BCL7C: variants seen among roughly 807,000 people sequenced by gnomAD.
The protein encoded by BCL7C is B-cell CLL/lymphoma 7 protein family member C.
A neutral mutation model predicts 26.2 loss-of-function variants in BCL7C; 8 were observed. The observed-to-expected ratio is 0.30, with a 90% CI of 0.18 to 0.55. The LOEUF (loss-of-function observed/expected upper bound fraction) is 0.55. Ranked by LOEUF, BCL7C falls within the 20% of genes least tolerant of loss-of-function variation. The probability of loss-of-function intolerance (pLI) is 0.93; values close to 1 mark genes in which losing one functional copy is unlikely to be tolerated. For missense variants in BCL7C, 262 were observed against 298.5 expected (o/e 0.88, Z 0.90); for synonymous variants, 90 against 116.5 (o/e 0.77, Z 1.47).
At position 30,893,977 on chromosome 16, in the gene BCL7C, G is replaced by A. The variant is rs573944099; in HGVS notation, c.-33C>T. On this transcript the variant is annotated 5_prime_UTR_variant, in exon 1 of 6. Transcript: ENST00000215115. The surrounding 1 kb of genome is among the most constrained non-coding windows in gnomAD (Gnocchi z 5.2). ...GGGCTGGGGCCGGGGCCGAGCCCGCGGCGGGGCCGCCTCCCGTCCGGCGGG... is the reference window on the plus strand; with the variant it reads ...GGGCTGGGGCCGGGGCCGAGCCCGCAGCGGGGCCGCCTCCCGTCCGGCGGG... 70 of 1,194,978 alleles carry A rather than the reference G, an allele frequency of 5.9e-5. No homozygotes were observed. The African/African-American group carries it at 9.9e-4, about 17-fold the overall frequency. 74.0% of individuals were successfully genotyped at this position (1,194,978 alleles called of 1,614,324 possible).
At chr16:30,887,658 C>T (rs1448569151), downstream of BCL7C, 10 of 767,464 alleles carry the variant, frequency 1.3e-5, no homozygotes, top group South Asian at 2.4e-5. Context: ...CAAGCCCCCA[C>T]CCCACTCTGC....
Position 30,834,931 on chromosome 16 carries a change from T to A in BCL7C, c.*17A>T. On this transcript the variant is annotated 3_prime_UTR_variant, in exon 6 of 6. Coordinates refer to the BCL7C transcript ENST00000380317. The surrounding 1 kb of genome is among the most constrained non-coding windows in gnomAD (Gnocchi z 4.3). ...CAAGGGAGGCTTTAGGGGTCTTGGC[T>A]TGCTTGGGGAGCCCACTCACCTCCC... 1 of 1,508,716 alleles carries A rather than the reference T, an allele frequency of 6.6e-7. No homozygotes were observed. Among genetic ancestry groups the A allele is most frequent in the Non-Finnish European group, 8.9e-7 (1 of 1,124,400 alleles). The allele number at this position is 1,508,716 out of a possible 1,614,324, so 93.5% of individuals were successfully genotyped here. A position where few individuals can be genotyped will look rare whatever the true frequency, so the allele number is the denominator to read the frequency against.
chr16:30,865,727 C>CTT (rs11333293), intron 5 of BCL7C, among the ~76,000 whole-genome samples: 3 of 66,720 alleles, frequency 4.5e-5, no homozygotes, highest in Non-Finnish European at 9.0e-5. Context: ...CTTTTTTTTT[C>CTT]TTTTTTTTTT....
chr16:30,891,479 GA>G (rs1197504379), intron 4 of BCL7C, among the ~76,000 whole-genome samples: 2 of 152,038 alleles, frequency 1.3e-5, no homozygotes, highest in African/African-American at 4.8e-5. Flanking sequence ...AAAGAGAAAA[GA>G]AAAAAACCCA....
In BCL7C at chr16:30,834,814, G is replaced by A. The variant is rs1318112265; in HGVS notation, c.*134C>T. On this transcript the variant is annotated 3_prime_UTR_variant, in exon 6 of 6. Coordinates refer to the BCL7C transcript ENST00000380317. The surrounding 1 kb of genome is among the most constrained non-coding windows in gnomAD (Gnocchi z 4.3). ...GTGGCCTTAGGTTCGGGCAGGTGTGGGGCCGCTCGCCCTCCGATGTTACCG... is the reference window on the plus strand; with the variant it reads ...GTGGCCTTAGGTTCGGGCAGGTGTGAGGCCGCTCGCCCTCCGATGTTACCG... The A allele has an allele frequency of 7.7e-6, 7 of 905,162 alleles. No homozygotes were observed. The highest frequency in any genetic ancestry group is 9.7e-6 in the Non-Finnish European group (6 of 618,160). The allele number at this position is 905,162 out of a possible 1,614,324, so 56.1% of individuals were successfully genotyped here.
chr16:30,853,057 T>C (rs1375813416), intron 5 of BCL7C, among the ~76,000 whole-genome samples: 1 of 151,880 alleles, frequency 6.6e-6, no homozygotes, highest in Non-Finnish European at 1.5e-5. Flanking sequence ...TGTCTCTGCC[T>C]CCCGAGTAGC....
intron 5 of BCL7C, among the ~76,000 whole-genome samples, chr16:30,863,693 C>T (rs1331455576): frequency 2.4e-4 from 37 of 152,226 alleles, no homozygotes. Flanking sequence ...ACCTATCAAT[C>T]TCTTCCCACA....
At chr16:30,860,051 C>A (rs1487476727) in intron 5 of BCL7C, among the ~76,000 whole-genome samples, 1 of 150,204 alleles carries the variant, frequency 6.7e-6, no homozygotes, top group African/African-American at 2.5e-5. Context: ...CTTCTCCAGC[C>A]TCTCTTGCTA....
rs1402841557 is a variant in BCL7C at position 30,892,610 on chromosome 16, G to T, written c.418C>A (p.Pro140Thr). ...PPEGVPEEAQ[P>T]PRLGQERDPG... ...CCTCTCTCTTGGCCCAGCCGTGGGG[G>T]CTGAGCCTCCTCAGGGACCCCTTCT... is the stretch of plus-strand genomic sequence containing the variant. Residue 140 changes from proline to threonine, a missense_variant, in exon 4 of 6, where the codon CCC (proline) becomes ACC (threonine). By Grantham distance (38) the Pro-to-Thr change is conservative (BLOSUM62 -1). Transcript: ENST00000215115. 2.5e-6 allele frequency: 4 copies of T among 1,592,922 alleles called. No individual in the cohort carries two copies. Among genetic ancestry groups the T allele is most frequent in the Non-Finnish European group, 3.4e-6 (4 of 1,171,828 alleles).
At chr16:30,835,459 G>C (rs541023522) in intron 5 of BCL7C, among the ~76,000 whole-genome samples, 3 of 152,276 alleles carry the variant, frequency 2.0e-5, no homozygotes, top group Admixed American at 2.0e-4. Context: ...TAACCTAAAG[G>C]CAGCCTCAAA....
chr16:30,891,123 C>G (rs560362777), intron 4 of BCL7C, among the ~76,000 whole-genome samples: 1 of 145,458 alleles, frequency 6.9e-6, no homozygotes, highest in Non-Finnish European at 1.5e-5. Context: ...GAGCCAAGAT[C>G]GTACCACTGC....
chr16:30,835,493 C>G (rs2151357738), intron 5 of BCL7C, among the ~76,000 whole-genome samples: 1 of 152,282 alleles, frequency 6.6e-6, no homozygotes, highest in Non-Finnish European at 1.5e-5. Context: ...GTGGTTGGTG[C>G]ATCCACAGGC....
Position 30,893,241 on chromosome 16 carries a change from A to T in BCL7C, c.142T>A (p.Trp48Arg). Reference sequence around the variant, plus strand: ...TCCTGGGGATCCACCACTGGCACCCACTTGAAGATACGAAGGGAAGTGTCG... The same window carrying T: ...TCCTGGGGATCCACCACTGGCACCCTCTTGAAGATACGAAGGGAAGTGTCG... ...VGDTSLRIFK[W>R]VPVVDPQEEE... The change falls in exon 2 of 6, where the codon TGG (tryptophan) becomes AGG (arginine). Residue 48 changes from tryptophan (W) to arginine (R), a missense_variant. Physicochemically the swap from Trp to Arg is moderately radical, Grantham distance 101. Coordinates refer to ENST00000215115, the MANE Select transcript of BCL7C (RefSeq NM_004765.4). The surrounding 1 kb of genome is among the most constrained non-coding windows in gnomAD (Gnocchi z 5.2). 6.2e-7 allele frequency: 1 copy of T among 1,613,658 alleles called. No homozygotes were observed. The highest frequency in any genetic ancestry group is 2.2e-5 in the East Asian group (1 of 44,842).
chr16:30,891,496 G>A (rs537669277), intron 4 of BCL7C, among the ~76,000 whole-genome samples: 26 of 152,142 alleles, frequency 1.7e-4, no homozygotes, highest in Non-Finnish European at 2.9e-4. Flanking sequence ...ACCCAACCAC[G>A]TAAAGTGTTT....
At chr16:30,866,210 G>A (rs2054826366) in intron 5 of BCL7C, among the ~76,000 whole-genome samples, 1 of 151,966 alleles carries the variant, frequency 6.6e-6, no homozygotes, top group Non-Finnish European at 1.5e-5. Context: ...TGATGGAGGA[G>A]GATTATTTAC....
intron 5 of BCL7C, among the ~76,000 whole-genome samples, chr16:30,868,252 C>T (rs1429404149): frequency 2.9e-4 from 44 of 150,180 alleles, no homozygotes; most frequent in African/African-American, 1.1e-3. Flanking sequence ...CTCAGCCTCC[C>T]GAGTAGCTGG....
intron 5 of BCL7C, among the ~76,000 whole-genome samples, chr16:30,876,359 T>C (rs1377728332): frequency 6.6e-6 from 1 of 152,178 alleles, no homozygotes; most frequent in Admixed American, 6.6e-5. Flanking sequence ...TAAAACTCCA[T>C]TGATCACAGG....
chr16:30,856,043 CA>C (rs1261571455), intron 5 of BCL7C, among the ~76,000 whole-genome samples: 1 of 103,750 alleles, frequency 9.6e-6, no homozygotes, highest in African/African-American at 3.9e-5. Context: ...GCCTGGGCGA[CA>C]AAGCAAGACT....
intron 5 of BCL7C, among the ~76,000 whole-genome samples, chr16:30,869,421 C>A (rs180868005): frequency 2.1e-4 from 32 of 151,220 alleles, no homozygotes; most frequent in Non-Finnish European, 4.0e-4. Flanking sequence ...ATGTTGCTGG[C>A]CTCGAACTCC....
Sources: allele counts gnomAD v4.1 joint callset (sites outside exome capture counted in the v4.1 genomes callset), GRCh38; gene constraint gnomAD v4.1.1; non-coding constraint Gnocchi (gnomAD v3.1); transcripts MANE v1.5; gene names NCBI Gene and HGNC (gene_info 2026-07-23, HGNC 2026-07-21).